The following LCA5 variants were observed in gnomAD, a reference collection of about 807,000 sequenced individuals.
The protein encoded by LCA5 is lebercilin LCA5.
In LCA5, 37 loss-of-function variants were observed where a neutral mutation model predicts 53.0. That is an observed-to-expected ratio of 0.70 (90% confidence interval 0.54 to 0.92). The LOEUF (loss-of-function observed/expected upper bound fraction) is 0.92, where lower values mean the gene tolerates loss of function less well. LCA5 is among the 40% of genes least tolerant of loss of function. LCA5 has a pLI of 0.00. For synonymous variants in LCA5, 303 were observed against 282.9 expected, an observed-to-expected ratio of 1.07 and a Z score of -0.71; for missense variants, 806 against 790.5, an observed-to-expected ratio of 1.02 and a Z score of -0.23.
chr6:79,505,344 G>A (rs1188038483), intron 3 of LCA5, among the ~76,000 whole-genome samples: 1 of 152,052 alleles, frequency 6.6e-6, no homozygotes, highest in Non-Finnish European at 1.5e-5. Flanking sequence ...ATAAAAATTA[G>A]TAGAATCTCA....
At chr6:79,528,899 ATAC>A (rs1766871619) in intron 1 of LCA5, among the ~76,000 whole-genome samples, 1 of 152,206 alleles carries the variant, frequency 6.6e-6, no homozygotes, top group Non-Finnish European at 1.5e-5. Context: ...AATCTTAACA[ATAC>A]TGCCCCAAAT....
At chr6:79,526,560 C>T (rs953027202) in intron 1 of LCA5, among the ~76,000 whole-genome samples, 22 of 152,032 alleles carry the variant, frequency 1.4e-4, no homozygotes, top group African/African-American at 5.3e-4. Context: ...CAAAACAAAA[C>T]AAAACAACAA....
chr6:79,491,750 T>G lies in LCA5; in HGVS notation c.956-20A>C. 6.2e-7 allele frequency: 1 copy of G among 1,606,526 alleles called. No homozygotes were observed. The highest frequency in any genetic ancestry group is 8.5e-7 in the Non-Finnish European group (1 of 1,174,574). On this transcript the variant is annotated intron_variant, in intron 5 of 7. Coordinates refer to ENST00000369846, the MANE Select transcript of LCA5 (RefSeq NM_001122769.3). ...ATGCAGCTACAGTGAAAATTATTTT[T>G]AAAAAATTATTACAATGAATAATGC...
chr6:79,498,106 G>GA (rs753439405), intron 3 of LCA5, among the ~76,000 whole-genome samples: 5 of 151,500 alleles, frequency 3.3e-5, no homozygotes, highest in Admixed American at 1.3e-4. Flanking sequence ...TCCCTATTCT[G>GA]AAAAAATACA....
intron 7 of LCA5, 41 bp downstream of exon 7, chr6:79,489,043 A>C (rs1218073136): frequency 6.2e-7 from 1 of 1,608,796 alleles, no homozygotes; most frequent in African/African-American, 1.3e-5. Context: ...TTCTCAAGGG[A>C]TGCTGACTTG....
intron 1 of LCA5, among the ~76,000 whole-genome samples, chr6:79,524,489 A>C (rs1451765563): frequency 6.6e-6 from 1 of 152,210 alleles, no homozygotes; most frequent in Non-Finnish European, 1.5e-5. Flanking sequence ...TTAAACCCTC[A>C]GCATTGTTTG....
intron 1 of LCA5, among the ~76,000 whole-genome samples, chr6:79,523,078 T>A (rs140479661): frequency 1.3e-5 from 2 of 152,328 alleles, no homozygotes; most frequent in African/African-American, 4.8e-5. Flanking sequence ...GACTTTTGAA[T>A]TAATTATTCT....
In LCA5 at chr6:79,492,665, A is replaced by G; in HGVS notation, c.859-18T>C. The stretch of plus-strand genomic sequence containing the variant: ...TCCTTTTCCTGAAAACAAACGCAAT[A>G]CAATTAAGGAAGTAGAGCCTCTGCT... On this transcript the variant is annotated intron_variant, in intron 4 of 7. Coordinates refer to ENST00000369846, the MANE Select transcript of LCA5 (RefSeq NM_001122769.3). The G allele has an allele frequency of 3.1e-6, 4 of 1,271,490 alleles. No homozygotes were observed. The South Asian group carries it at 3.8e-5, about 12-fold the overall frequency. 78.8% of individuals were successfully genotyped at this position (1,271,490 alleles called of 1,614,324 possible).
rs1769711427 is a variant in LCA5 at position 79,487,752 on chromosome 6, T to G, written c.1346A>C (p.Gln449Pro). The G allele has an allele frequency of 6.2e-7, 1 of 1,613,650 alleles. No individual in the cohort carries two copies. The highest frequency in any genetic ancestry group is 1.3e-5 in the African/African-American group (1 of 74,922). The change falls in exon 8 of 8, where the codon CAG (glutamine) becomes CCG (proline). Residue 449 changes from glutamine (Q) to proline (P), a missense_variant. Transcript: ENST00000369846. ...GRYQLGMYPI[Q>P]NMDKLQGEEE... Reference sequence around the variant, plus strand: ...CTCTCCTTGCAATTTATCCATATTCTGAATTGGATACATTCCTAGTTGGTA... The same window carrying G: ...CTCTCCTTGCAATTTATCCATATTCGGAATTGGATACATTCCTAGTTGGTA...
At chr6:79,529,091 G>A (rs908296399) in intron 1 of LCA5, among the ~76,000 whole-genome samples, 14 of 152,182 alleles carry the variant, frequency 9.2e-5, no homozygotes, top group African/African-American at 3.4e-4. Context: ...ACAGCAGTGG[G>A]ATGTTGTATT....
intron 1 of LCA5, among the ~76,000 whole-genome samples, chr6:79,532,547 C>G (rs556778276): frequency 2.6e-5 from 4 of 152,286 alleles, no homozygotes; most frequent in South Asian, 4.1e-4. Flanking sequence ...GGCAAACTAG[C>G]CTTCTTCTGT....
At chr6:79,519,456 A>G (rs1766555569) in intron 1 of LCA5, among the ~76,000 whole-genome samples, 1 of 152,144 alleles carries the variant, frequency 6.6e-6, no homozygotes, top group African/African-American at 2.4e-5. Context: ...TGGTGATAGT[A>G]AAGAACAAAC....
In LCA5 at chr6:79,513,514, G is replaced by A; in HGVS notation, c.418C>T (p.Gln140Ter). The change falls in exon 3 of 8, where the codon CAG becomes TAG. Residue 140 changes from glutamine to a stop codon, truncating the protein, a stop_gained. Transcript: ENST00000369846. LOFTEE classifies it high-confidence loss of function. Reference sequence around the variant, plus strand: ...TTCAGGGCTTTCTCCTGTCTGTACTGAAGCCTTTTCAAAGATTTATTTTCT... The same window carrying A: ...TTCAGGGCTTTCTCCTGTCTGTACTAAAGCCTTTTCAAAGATTTATTTTCT... Reference protein sequence around the residue: ...LKENKSLKRLQYRQEKALNKF... With the variant: ...LKENKSLKRL 1 of 1,613,818 alleles carries A rather than the reference G, an allele frequency of 6.2e-7. No individual in the cohort carries two copies. The highest frequency in any genetic ancestry group is 8.5e-7 in the Non-Finnish European group (1 of 1,179,872).
chr6:79,526,360 C>T (rs1236074953), intron 1 of LCA5, among the ~76,000 whole-genome samples: 2 of 151,940 alleles, frequency 1.3e-5, no homozygotes, highest in Non-Finnish European at 2.9e-5. Flanking sequence ...CTGGCTAACA[C>T]GGTGAAACCC....
intron 1 of LCA5, among the ~76,000 whole-genome samples, chr6:79,533,900 G>A (rs1767031144): frequency 6.6e-6 from 1 of 151,672 alleles, no homozygotes; most frequent in Admixed American, 6.6e-5. Context: ...TTTGCTACCA[G>A]CAAAAGAGTT....
intron 3 of LCA5, among the ~76,000 whole-genome samples, chr6:79,508,194 G>T (rs946026878): frequency 6.6e-6 from 1 of 152,110 alleles, no homozygotes; most frequent in Non-Finnish European, 1.5e-5. Context: ...CTATGGCCCG[G>T]AACTAGAGCA....
At chr6:79,536,913 C>G (rs753902374) in intron 1 of LCA5, among the ~76,000 whole-genome samples, 1 of 152,304 alleles carries the variant, frequency 6.6e-6, no homozygotes. Context: ...CCCAGTCCCC[C>G]CAGTGCCGGT....
At chr6:79,516,399 G>T (rs1490553405) in intron 2 of LCA5, among the ~76,000 whole-genome samples, 3 of 151,712 alleles carry the variant, frequency 2.0e-5, no homozygotes, top group African/African-American at 7.3e-5. Flanking sequence ...TCCAAATATG[G>T]TTTTTATGTA....
upstream of LCA5, among the ~76,000 whole-genome samples, chr6:79,538,151 T>TA (rs397765826): frequency 0.51 from 74,687 of 147,392 alleles, 20,114 homozygotes; most frequent in East Asian, 0.82. Context: ...ACAGGGAAGG[T>TA]AAAAAAAAAT....
Sources: gnomAD v4.1 joint callset for allele counts (sites outside exome capture counted in the v4.1 genomes callset) on GRCh38, gnomAD v4.1.1 for gene constraint, MANE v1.5 for transcripts, NCBI Gene and HGNC (gene_info 2026-07-23, HGNC 2026-07-21) for gene names.